The following PIP5K1B variants were observed in gnomAD, a reference collection of about 807,000 sequenced individuals.
PIP5K1B encodes the protein phosphatidylinositol 4-phosphate 5-kinase type-1 beta.
PIP5K1B carries 42 observed loss-of-function variants against 67.0 expected under a neutral mutation model. The observed-to-expected ratio is 0.63, with a 90% CI of 0.49 to 0.81. PIP5K1B has a LOEUF of 0.81. Among genes scored for constraint, PIP5K1B ranks in the 30% least tolerant of loss-of-function variants. PIP5K1B has a pLI of 0.00. For missense variants in PIP5K1B, 459 were observed against 646.3 expected, an observed-to-expected ratio of 0.71 and a Z score of 3.14; for synonymous variants, 214 against 231.4, an observed-to-expected ratio of 0.92 and a Z score of 0.68.
chr9:68,732,767 A>G (rs1216353416), intron 1 of PIP5K1B, among the ~76,000 whole-genome samples: 1 of 152,210 alleles, frequency 6.6e-6, no homozygotes, highest in Non-Finnish European at 1.5e-5. Context: ...AAATGGCAAG[A>G]ACACAGTGGA....
intron 15 of PIP5K1B, among the ~76,000 whole-genome samples, chr9:69,002,793 G>A (rs1415753628): frequency 6.6e-6 from 1 of 151,912 alleles, no homozygotes; most frequent in Non-Finnish European, 1.5e-5. Flanking sequence ...GACCAGCCTG[G>A]GCAACATGGT....
intron 1 of PIP5K1B, among the ~76,000 whole-genome samples, chr9:68,721,249 T>C (rs1827867575): frequency 6.6e-6 from 1 of 152,128 alleles, no homozygotes; most frequent in Non-Finnish European, 1.5e-5. Context: ...AGCAATAGTT[T>C]AGGGGATGAA....
chr9:68,828,860 G>A (rs1026105382), intron 4 of PIP5K1B, among the ~76,000 whole-genome samples: 23 of 152,120 alleles, frequency 1.5e-4, no homozygotes, highest in African/African-American at 5.6e-4. Flanking sequence ...CCAGCACTTC[G>A]GGAGGCCGAG....
intron 5 of PIP5K1B, among the ~76,000 whole-genome samples, chr9:68,864,328 G>T (rs911016957): frequency 5.3e-5 from 8 of 152,352 alleles, no homozygotes; most frequent in African/African-American, 1.9e-4. Context: ...GCAGCAACTG[G>T]TGCTAGGTTT....
At chr9:68,798,060 C>A (rs1832391907) in intron 2 of PIP5K1B, among the ~76,000 whole-genome samples, 1 of 151,110 alleles carries the variant, frequency 6.6e-6, no homozygotes, top group African/African-American at 2.5e-5. Flanking sequence ...GGTTTTTTTT[C>A]ATTCCCCGTG....
chr9:68,996,730 C>T (rs1366140227), intron 15 of PIP5K1B, among the ~76,000 whole-genome samples: 2 of 152,168 alleles, frequency 1.3e-5, no homozygotes, highest in Non-Finnish European at 2.9e-5. Flanking sequence ...CAACAAAAAG[C>T]CATTTCTGCT....
intron 8 of PIP5K1B, among the ~76,000 whole-genome samples, chr9:68,899,678 G>A (rs937068049): frequency 6.6e-6 from 1 of 152,218 alleles, no homozygotes; most frequent in Non-Finnish European, 1.5e-5. Context: ...CTCCTATCAA[G>A]AGTCATTTGT....
At chr9:68,905,621 C>G (rs900591679) in intron 8 of PIP5K1B, among the ~76,000 whole-genome samples, 17 of 152,184 alleles carry the variant, frequency 1.1e-4, no homozygotes, top group African/African-American at 4.1e-4. Flanking sequence ...CCTTGTGATA[C>G]ATTACCCAGT....
At chr9:68,780,296 C>T (rs368567624) in intron 2 of PIP5K1B, 2 of 1,596,788 alleles carry the variant, frequency 1.3e-6, no homozygotes, top group Non-Finnish European at 1.7e-6. Context: ...TCCACGGCCT[C>T]AGTGACACTT....
intron 14 of PIP5K1B, 30 bp from the exon 15 acceptor site, chr9:68,991,110 C>A: frequency 7.8e-7 from 1 of 1,276,424 alleles, no homozygotes; most frequent in Non-Finnish European, 1.1e-6. Flanking sequence ...CTGGGGGCCT[C>A]ATGCCCATCA....
intron 5 of PIP5K1B, among the ~76,000 whole-genome samples, chr9:68,872,142 T>G (rs1823656187): frequency 6.6e-6 from 1 of 152,226 alleles, no homozygotes; most frequent in Non-Finnish European, 1.5e-5. Flanking sequence ...TGGTGGAAGT[T>G]GCTAAGCACT....
chr9:68,826,073 G>T (rs1404851764), intron 4 of PIP5K1B, among the ~76,000 whole-genome samples: 1 of 152,136 alleles, frequency 6.6e-6, no homozygotes, highest in Non-Finnish European at 1.5e-5. Context: ...AGCTAACATT[G>T]GTCCGTGAGG....
intron 14 of PIP5K1B, among the ~76,000 whole-genome samples, chr9:68,974,560 A>C (rs1477327635): frequency 6.6e-6 from 1 of 152,194 alleles, no homozygotes; most frequent in African/African-American, 2.4e-5. Context: ...TTACGTTCCT[A>C]GTGACTCAGG....
intron 13 of PIP5K1B, among the ~76,000 whole-genome samples, chr9:68,936,929 T>C (rs1211009288): frequency 6.6e-6 from 1 of 152,248 alleles, no homozygotes; most frequent in Non-Finnish European, 1.5e-5. Context: ...TTTGCATATG[T>C]TGAACCAGCC....
chr9:68,855,979 T>C (rs1396844482), intron 4 of PIP5K1B, among the ~76,000 whole-genome samples: 1 of 152,224 alleles, frequency 6.6e-6, no homozygotes, highest in Non-Finnish European at 1.5e-5. Context: ...ATCTTATAGT[T>C]CTGGAGGTCA....
chr9:68,792,730 C>G (rs544976517), intron 2 of PIP5K1B, among the ~76,000 whole-genome samples: 1 of 152,142 alleles, frequency 6.6e-6, no homozygotes, highest in Non-Finnish European at 1.5e-5. Context: ...CCGCCCGCCT[C>G]GGCCTCCCAA....
chr9:68,976,977 A>G (rs1284773560), intron 14 of PIP5K1B, among the ~76,000 whole-genome samples: 1 of 152,184 alleles, frequency 6.6e-6, no homozygotes, highest in East Asian at 1.9e-4. Context: ...CTCTAGCTAG[A>G]GAACACAGTC....
rs151308702 is a variant in PIP5K1B, at chr9:68,804,221, C to T, written c.-85-14240C>T. On this transcript the variant is annotated intron_variant, in intron 2 of 15. Transcript: ENST00000265382. ...AGGAAGGAGTTCACATGCTCATATT[C>T]TCAGGGTGAAGAGCCAGATGAGGGA... Among the ~76,000 whole-genome samples the T allele has an allele frequency of 3.3e-3, 497 of 152,208 alleles. 2 individuals are homozygous for T. Among genetic ancestry groups the T allele is most frequent in the African/African-American group, 0.011 (467 of 41,490 alleles).
intron 2 of PIP5K1B, among the ~76,000 whole-genome samples, chr9:68,810,268 G>C (rs1387956565): frequency 6.6e-6 from 1 of 152,190 alleles, no homozygotes; most frequent in African/African-American, 2.4e-5. Flanking sequence ...ATTCCAAAGA[G>C]GATTTGAAGT....
Sources: gnomAD v4.1 joint callset for allele counts (sites outside exome capture counted in the v4.1 genomes callset) on GRCh38, gnomAD v4.1.1 for gene constraint, MANE v1.5 for transcripts, NCBI Gene and HGNC (gene_info 2026-07-23, HGNC 2026-07-21) for gene names.